Variants in MPP2 observed in about 807,000 individuals in gnomAD.
The protein encoded by MPP2 is MAGUK p55 scaffold protein 2.
In MPP2, 42 loss-of-function variants were observed where a neutral mutation model predicts 58.5. The ratio of observed to expected loss-of-function variants is 0.72; its 90% CI spans 0.56 to 0.93. MPP2 has a LOEUF of 0.93. MPP2 is among the 40% of genes least tolerant of loss of function. MPP2 has a pLI of 0.00. For synonymous variants in MPP2, 300 were observed against 307.8 expected, an observed-to-expected ratio of 0.97 and a Z score of 0.26; for missense variants, 632 against 760.4, an observed-to-expected ratio of 0.83 and a Z score of 1.99.
intron 1 of MPP2, chr17:43,905,982 A>C: frequency 1.9e-6 from 1 of 533,240 alleles, no homozygotes; most frequent in Non-Finnish European, 2.4e-6. Context: ...AGAAATGCCC[A>C]GGATCCACTG....
chr17:43,894,988 G>A (rs1366835684), intron 3 of MPP2, among the ~76,000 whole-genome samples: 1 of 152,166 alleles, frequency 6.6e-6, no homozygotes, highest in African/African-American at 2.4e-5. Context: ...AAACACATAT[G>A]TAGGCAAGAT....
upstream of MPP2, among the ~76,000 whole-genome samples, chr17:43,908,961 A>G (rs965324345): frequency 6.6e-6 from 1 of 152,244 alleles, no homozygotes; most frequent in Non-Finnish European, 1.5e-5. Flanking sequence ...TAGCTTTGAC[A>G]GGAATTGCAG....
rs2046779381 is a variant in MPP2, at chr17:43,875,475, T to C, written c.*2332A>G. 6.6e-6 allele frequency: 1 copy of C among 152,276 alleles called. No individual in the cohort carries two copies. Among genetic ancestry groups the C allele is most frequent in the African/African-American group, 2.4e-5 (1 of 41,424 alleles). The allele number at this position is 152,276 out of a possible 1,614,324, so 9.4% of individuals were successfully genotyped here. A position where few individuals can be genotyped will look rare whatever the true frequency, so the allele number is the denominator to read the frequency against. ...AGCGCACTGGGGCTGGGACTGAATA[T>C]GGACAGTGGATGGTAGGGTCCTCAC... On this transcript the variant is annotated 3_prime_UTR_variant, in exon 13 of 13. Transcript: ENST00000269095.
At chr17:43,906,266 G>A (rs2048283405) in intron 1 of MPP2, 3 of 402,050 alleles carry the variant, frequency 7.5e-6, no homozygotes, top group Non-Finnish European at 1.0e-5. Context: ...CCAGAGCATC[G>A]GCTGGCTTTG....
chr17:43,882,842 T>C (rs1044661929), intron 5 of MPP2, 61 bp downstream of exon 5: 8 of 1,604,828 alleles, frequency 5.0e-6, no homozygotes, highest in South Asian at 2.2e-5. Context: ...TGTCCGTTCA[T>C]TGGTTATTCT....
intron 3 of MPP2, among the ~76,000 whole-genome samples, chr17:43,885,913 G>A (rs1597775677): frequency 6.6e-6 from 1 of 151,880 alleles, no homozygotes; most frequent in South Asian, 2.1e-4. Flanking sequence ...AGTTTGAGAC[G>A]AGCCTGACCA....
At chr17:43,889,289 C>T (rs1292502570) in intron 3 of MPP2, among the ~76,000 whole-genome samples, 2 of 151,460 alleles carry the variant, frequency 1.3e-5, no homozygotes, top group South Asian at 4.2e-4. Flanking sequence ...AACTAAAAAA[C>T]AAAGCTCTTG....
In MPP2 at chr17:43,892,628, C is replaced by G. The variant is rs937781776; in HGVS notation, c.150+5634G>C. 7.2e-5 allele frequency among the ~76,000 whole-genome samples: 11 copies of G among 152,150 alleles called. 1 individual carries two copies. The highest frequency in any genetic ancestry group is 6.5e-4 in the Admixed American group (10 of 15,282). ...CACAACCACAGGGAGAAAGAAGTTA[C>G]TGGATTGCCTTAGCCCATTAGCCTC... On this transcript the variant is annotated intron_variant, in intron 3 of 12. Transcript: ENST00000269095.
chr17:43,882,552 C>T (rs2047182778), intron 5 of MPP2, 41 bp from the exon 6 acceptor site: 1 of 1,579,074 alleles, frequency 6.3e-7, no homozygotes, highest in Non-Finnish European at 8.6e-7. Context: ...CCCAATTGCT[C>T]CAAGTCAGAA....
intron 2 of MPP2, 117 bp downstream of exon 2, chr17:43,904,313 G>T: frequency 2.3e-6 from 2 of 876,622 alleles, no homozygotes; most frequent in Non-Finnish European, 3.7e-6. Flanking sequence ...GTGGTAGGGT[G>T]GACAGCAGTG....
intron 1 of MPP2, chr17:43,905,475 G>C (rs2048252579): frequency 6.6e-6 from 1 of 152,354 alleles, no homozygotes; most frequent in African/African-American, 2.4e-5. Context: ...GGAGTCTACA[G>C]CCCCAGTTTC....
Position 43,881,408 on chromosome 17 carries a change from G to A in MPP2, c.813+50C>T, listed in dbSNP as rs201844703. Reference sequence around the variant, plus strand: ...CAAGAGGACCCCTCCCTGTGCCCTCGCCCTCCCATGCACCATACCTGGAGA... The same window carrying A: ...CAAGAGGACCCCTCCCTGTGCCCTCACCCTCCCATGCACCATACCTGGAGA... On this transcript the variant is annotated intron_variant, in intron 7 of 12. Coordinates refer to ENST00000269095, the MANE Select transcript of MPP2 (RefSeq NM_005374.5). 283 of 1,613,786 alleles carry A rather than the reference G, an allele frequency of 1.8e-4. No individual in the cohort carries two copies. The highest frequency in any genetic ancestry group is 8.4e-4 in the African/African-American group (63 of 75,026).
At chr17:43,882,177 T>A in intron 6 of MPP2, 107 bp downstream of exon 6, 2 of 1,113,560 alleles carry the variant, frequency 1.8e-6, no homozygotes, top group East Asian at 2.4e-5. Flanking sequence ...CACCCCCATC[T>A]TCCCTGGAGG....
chr17:43,886,921 T>C (rs1319515334), intron 3 of MPP2, among the ~76,000 whole-genome samples: 1 of 152,248 alleles, frequency 6.6e-6, no homozygotes, highest in Non-Finnish European at 1.5e-5. Flanking sequence ...TCTTGGTTTT[T>C]ATTCTTTTCC....
Position 43,883,307 on chromosome 17 carries a change from T to G in MPP2, c.199A>C (p.Asn67His). Reference protein sequence around the residue: ...ETKLEAVRDNNLELVQEILRD... With the variant: ...ETKLEAVRDNHLELVQEILRD... ...AGGATCTCCTGCACCAGCTCCAGGT[T>G]GTTGTCTCTCACGGCCTCCAGCTTC... The change falls in exon 4 of 13, where the codon AAC becomes CAC. Residue 67 changes from asparagine (N) to histidine (H), a missense_variant. Coordinates refer to ENST00000269095, the MANE Select transcript of MPP2 (RefSeq NM_005374.5). 1 of 1,613,184 alleles carries G rather than the reference T, an allele frequency of 6.2e-7. No homozygotes were observed. Among genetic ancestry groups the G allele is most frequent in the Non-Finnish European group, 8.5e-7 (1 of 1,179,934 alleles).
chr17:43,907,790 G>T (rs1012539971), upstream of MPP2: 3 of 985,422 alleles, frequency 3.0e-6, no homozygotes, highest in Non-Finnish European at 3.6e-6. Context: ...GGTGCCCCTC[G>T]GCTCCCAAGG....
At chr17:43,888,139 T>C (rs914353263) in intron 3 of MPP2, among the ~76,000 whole-genome samples, 1 of 152,210 alleles carries the variant, frequency 6.6e-6, no homozygotes, top group Admixed American at 6.5e-5. Flanking sequence ...TTTGGTGAGA[T>C]GGACATAGTG....
chr17:43,882,587 C>A, intron 5 of MPP2, 76 bp from the exon 6 acceptor site: 1 of 1,391,694 alleles, frequency 7.2e-7, no homozygotes, highest in Admixed American at 2.0e-5. Flanking sequence ...CCTAATAGCT[C>A]CTCCATTCCT....
At chr17:43,906,704 G>A (rs1017409746) in intron 1 of MPP2, among the ~76,000 whole-genome samples, 1 of 152,102 alleles carries the variant, frequency 6.6e-6, no homozygotes, top group African/African-American at 2.4e-5. Context: ...CTGCCCCAAC[G>A]GACCCAGCCC....
Sources: gnomAD v4.1 joint callset for allele counts (sites outside exome capture counted in the v4.1 genomes callset) on GRCh38, gnomAD v4.1.1 for gene constraint, MANE v1.5 for transcripts, NCBI Gene and HGNC (gene_info 2026-07-23, HGNC 2026-07-21) for gene names.